The following ASCL5 variants were observed in gnomAD, a reference collection of about 807,000 sequenced individuals.
ASCL5 encodes achaete-scute family bHLH transcription factor 5.
For missense variants in ASCL5, 262 were observed against 268.9 expected, an observed-to-expected ratio of 0.97 and a Z score of 0.18; for synonymous variants, 124 against 131.5, an observed-to-expected ratio of 0.94 and a Z score of 0.39.
chr1:201,115,001 C>A lies in ASCL5; in HGVS notation c.372G>T (p.Thr124=), dbSNP rs1040633065. 1 of 1,231,728 alleles carries A rather than the reference C, an allele frequency of 8.1e-7. No homozygotes were observed. The highest frequency in any genetic ancestry group is 1.0e-6 in the Non-Finnish European group (1 of 987,992). The allele number at this position is 1,231,728 out of a possible 1,614,324, so 76.3% of individuals were successfully genotyped here. ...TTATGTAGCGGATGGCGGCGCGCAG[C>A]GTCTCCACCTTGCTGAGTCGCTTCT... ...LAEKRLSKVE[T]LRAAIRYIKY... Residue 124 remains threonine (T), a synonymous_variant, in exon 2 of 2, where the codon ACG becomes ACT. Coordinates refer to ENST00000449188, the MANE Select transcript of ASCL5 (RefSeq NM_001270601.2).
intron 1 of ASCL5, among the ~76,000 whole-genome samples, chr1:201,121,820 C>A (rs909626189): frequency 1.3e-5 from 2 of 149,540 alleles, no homozygotes; most frequent in Non-Finnish European, 3.0e-5. Context: ...CAGACTCAGA[C>A]CCTGTCTCAA....
At chr1:201,124,943 T>A (rs1663551866) in intron 1 of ASCL5, among the ~76,000 whole-genome samples, 1 of 152,164 alleles carries the variant, frequency 6.6e-6, no homozygotes, top group Admixed American at 6.5e-5. Context: ...CGCAGCTCCC[T>A]CTGTGTGCAG....
At chr1:201,118,520 C>T (rs1663392276) in intron 1 of ASCL5, among the ~76,000 whole-genome samples, 1 of 151,596 alleles carries the variant, frequency 6.6e-6, no homozygotes, top group South Asian at 2.1e-4. Flanking sequence ...CATAACCTAT[C>T]TGCAAGATAC....
intron 1 of ASCL5, among the ~76,000 whole-genome samples, chr1:201,124,582 A>C (rs1050316015): frequency 6.6e-6 from 1 of 152,188 alleles, no homozygotes; most frequent in Non-Finnish European, 1.5e-5. Context: ...GGGCCACAGA[A>C]CAAAAGTTTG....
intron 1 of ASCL5, among the ~76,000 whole-genome samples, chr1:201,119,975 T>C (rs965332922): frequency 2.6e-5 from 4 of 152,132 alleles, no homozygotes; most frequent in Non-Finnish European, 5.9e-5. Context: ...TGTACTCTAG[T>C]TTACTTTGCC....
chr1:201,114,049 GAAAAAA>G lies in ASCL5; in HGVS notation c.*697_*702del, dbSNP rs948379438. On this transcript the variant is annotated 3_prime_UTR_variant, in exon 2 of 2. Coordinates refer to ENST00000449188, the MANE Select transcript of ASCL5 (RefSeq NM_001270601.2). ...CTCCCCCAAGGCTTACAGTCTGAGG[GAAAAAA>G]ACCACAGTCCCCACCCAACCTGGGA... The G allele has an allele frequency of 6.6e-6, 1 of 152,060 alleles. No homozygotes were observed. Among genetic ancestry groups the G allele is most frequent in the Non-Finnish European group, 1.5e-5 (1 of 68,024 alleles). The allele number at this position is 152,060 out of a possible 1,614,324, so 9.4% of individuals were successfully genotyped here. A position where few individuals can be genotyped will look rare whatever the true frequency, so the allele number is the denominator to read the frequency against.
intron 1 of ASCL5, among the ~76,000 whole-genome samples, chr1:201,126,216 A>T (rs891578651): frequency 3.3e-5 from 5 of 152,014 alleles, no homozygotes; most frequent in Non-Finnish European, 7.4e-5. Context: ...GCTCACTGTA[A>T]ACTTGAACTC....
At chr1:201,126,961 CA>C (rs1339298440) in intron 1 of ASCL5, 122 bp downstream of exon 1, 1 of 139,596 alleles carries the variant, frequency 7.2e-6, no homozygotes, top group Non-Finnish European at 1.6e-5. Context: ...GGAAAGCCAT[CA>C]GGGGTGACTA....
intron 1 of ASCL5, among the ~76,000 whole-genome samples, chr1:201,122,456 C>T (rs1250963628): frequency 6.6e-6 from 1 of 152,152 alleles, no homozygotes; most frequent in Non-Finnish European, 1.5e-5. Flanking sequence ...GCGTGCTCTG[C>T]TTTCCTTATC....
chr1:201,121,110 A>C (rs1021582773), intron 1 of ASCL5, among the ~76,000 whole-genome samples: 1 of 152,184 alleles, frequency 6.6e-6, no homozygotes, highest in East Asian at 1.9e-4. Context: ...TTGGATACCC[A>C]CATTAGCGTT....
intron 1 of ASCL5, among the ~76,000 whole-genome samples, chr1:201,116,748 T>C (rs979134928): frequency 6.6e-6 from 1 of 152,200 alleles, no homozygotes; most frequent in Non-Finnish European, 1.5e-5. Context: ...TGCCATTTTG[T>C]CTAGGAAGCC....
intron 1 of ASCL5, among the ~76,000 whole-genome samples, chr1:201,120,812 C>T (rs1663437128): frequency 6.6e-6 from 1 of 152,154 alleles, no homozygotes; most frequent in Admixed American, 6.5e-5. Flanking sequence ...GAAAGTGATT[C>T]CATAGTCTTC....
At chr1:201,126,893 T>G (rs1194397049) in intron 1 of ASCL5, among the ~76,000 whole-genome samples, 191 bp downstream of exon 1, 2 of 152,226 alleles carry the variant, frequency 1.3e-5, no homozygotes, top group African/African-American at 2.4e-5. Flanking sequence ...CCAGCACTGG[T>G]GGGTGCCGTA....
chr1:201,120,069 G>A (rs1217104745), intron 1 of ASCL5, among the ~76,000 whole-genome samples: 1 of 152,202 alleles, frequency 6.6e-6, no homozygotes, highest in Non-Finnish European at 1.5e-5. Context: ...AAGCTACACT[G>A]AGCTGTTAGG....
intron 1 of ASCL5, among the ~76,000 whole-genome samples, chr1:201,126,615 C>T (rs1663585358): frequency 6.6e-6 from 1 of 152,214 alleles, no homozygotes. Context: ...CTATTATTAA[C>T]CCACTTAACA....
Position 201,114,215 on chromosome 1 carries a change from A to G in ASCL5, c.*537T>C, listed in dbSNP as rs3738262. ...GTAGGTTCGGTCTGGGCTGAGCGCC[A>G]GCAGCAATCTGGCCTCCCATCCCTT... On this transcript the variant is annotated 3_prime_UTR_variant, in exon 2 of 2. Transcript: ENST00000449188. 82,176 of 151,708 alleles carry G rather than the reference A, an allele frequency of 0.54. 24,184 individuals carry two copies. The highest frequency in any genetic ancestry group is 0.78 in the East Asian group (4,020 of 5,146). The allele number at this position is 151,708 out of a possible 1,614,324, so 9.4% of individuals were successfully genotyped here.
intron 1 of ASCL5, among the ~76,000 whole-genome samples, chr1:201,120,947 A>G (rs1572085641): frequency 1.3e-5 from 2 of 152,296 alleles, no homozygotes; most frequent in East Asian, 3.9e-4. Flanking sequence ...AACTGGGAAC[A>G]TTTGTAAGGA....
intron 1 of ASCL5, among the ~76,000 whole-genome samples, chr1:201,117,891 C>T (rs906898016): frequency 2.6e-5 from 4 of 152,164 alleles, no homozygotes; most frequent in African/African-American, 7.2e-5. Flanking sequence ...GATTTTCTAG[C>T]GGTTCTCTTT....
chr1:201,122,651 A>G (rs117214592), intron 1 of ASCL5, among the ~76,000 whole-genome samples: 1 of 152,116 alleles, frequency 6.6e-6, no homozygotes, highest in East Asian at 1.9e-4. Context: ...ATGAGTAATG[A>G]TTGTTACAGG....
Sources: allele counts gnomAD v4.1 joint callset (sites outside exome capture counted in the v4.1 genomes callset), GRCh38; gene constraint gnomAD v4.1.1; transcripts MANE v1.5; gene names NCBI Gene and HGNC (gene_info 2026-07-23, HGNC 2026-07-21).